Variants in MINK1 observed in about 807,000 individuals in gnomAD.
MINK1 encodes misshapen-like kinase 1.
Under a neutral mutation model 178.4 loss-of-function variants are expected in MINK1, and 46 were observed. That is an observed-to-expected ratio of 0.26 (90% CI 0.20 to 0.33). The LOEUF (loss-of-function observed/expected upper bound fraction) is 0.33. MINK1 is among the 10% of genes least tolerant of loss of function. The pLI, the probability that MINK1 is intolerant of heterozygous loss-of-function variation, is 1.00. For missense variants in MINK1, 1,366 were observed against 1,814.9 expected (o/e 0.75, Z 4.49); for synonymous variants, 797 against 709.7 (o/e 1.12, Z -1.96).
chr17:4,875,308 C>T (rs1256227406), intron 1 of MINK1, among the ~76,000 whole-genome samples: 1 of 152,150 alleles, frequency 6.6e-6, no homozygotes, highest in Non-Finnish European at 1.5e-5. Context: ...CTGTGATTTA[C>T]ACCCGTTAAA....
At chr17:4,845,339 G>T (rs1474311788) in intron 1 of MINK1, among the ~76,000 whole-genome samples, 1 of 152,118 alleles carries the variant, frequency 6.6e-6, no homozygotes, top group Admixed American at 6.5e-5. Flanking sequence ...CATGACTTGC[G>T]TTCTGGTTCT....
At position 4,895,678 on chromosome 17, in the gene MINK1, T is replaced by G. The variant is rs1228919297; in HGVS notation, c.3230-20T>G. On this transcript the variant is annotated intron_variant, in intron 26 of 31. Transcript: ENST00000355280. This position sits in a 1 kb window ranked among gnomAD's most constrained non-coding sequence, Gnocchi z 4.3. Reference sequence around the variant, plus strand: ...TCAGATGAGAATGGGGGCGGGTGTGTATGTCTGTCCGTCCCTCAGGGAAAA... The same window carrying G: ...TCAGATGAGAATGGGGGCGGGTGTGGATGTCTGTCCGTCCCTCAGGGAAAA... 1 of 1,611,594 alleles carries G rather than the reference T, an allele frequency of 6.2e-7. No individual in the cohort carries two copies. The highest frequency in any genetic ancestry group is 1.3e-5 in the African/African-American group (1 of 74,986).
At position 4,897,348 on chromosome 17, in the gene MINK1, C is replaced by A; in HGVS notation, c.*61C>A. 6.7e-7 allele frequency: 1 copy of A among 1,485,374 alleles called. No individual in the cohort carries two copies. Among genetic ancestry groups the A allele is most frequent in the Non-Finnish European group, 9.3e-7 (1 of 1,069,652 alleles). 92.0% of individuals were successfully genotyped at this position (1,485,374 alleles called of 1,614,324 possible). On this transcript the variant is annotated 3_prime_UTR_variant, in exon 32 of 32. Coordinates refer to ENST00000355280, the MANE Select transcript of MINK1 (RefSeq NM_153827.5). The stretch of plus-strand genomic sequence containing the variant: ...CAGCTCTCCCCCTGCAGCCAGGCTT[C>A]CCGGGCCGCCCCTCTTTCCCCTCCC...
chr17:4,847,230 G>GTTCT, intron 1 of MINK1: 2 of 460,906 alleles, frequency 4.3e-6, no homozygotes, highest in Admixed American at 4.6e-5. Context: ...TTTGGTTCCA[G>GTTCT]TTCATTCATT....
chr17:4,881,999 C>A (rs145343266), intron 4 of MINK1, among the ~76,000 whole-genome samples: 2 of 152,410 alleles, frequency 1.3e-5, no homozygotes, highest in East Asian at 3.9e-4. Context: ...CTTCTGTATA[C>A]TCTGTATAGA....
intron 1 of MINK1, among the ~76,000 whole-genome samples, chr17:4,877,996 G>A (rs1466241405): frequency 1.3e-5 from 2 of 151,866 alleles, no homozygotes; most frequent in Non-Finnish European, 2.9e-5. Context: ...ATTTTTAGTA[G>A]AGACGGGGTT....
intron 1 of MINK1, among the ~76,000 whole-genome samples, chr17:4,843,250 G>A (rs547693241): frequency 6.6e-6 from 1 of 152,172 alleles, no homozygotes; most frequent in Non-Finnish European, 1.5e-5. Flanking sequence ...GCTGAGGCAG[G>A]CAGATTACTT....
At chr17:4,889,479 C>T (rs1014246034) in intron 12 of MINK1, among the ~76,000 whole-genome samples, 168 bp from the exon 13 acceptor site, 2 of 152,122 alleles carry the variant, frequency 1.3e-5, no homozygotes, top group East Asian at 1.9e-4. Flanking sequence ...CGAGCCCAGC[C>T]CCGCGGGCCC....
chr17:4,892,583 T>G (rs1968965656), intron 18 of MINK1, 71 bp downstream of exon 18: 5 of 1,540,306 alleles, frequency 3.2e-6, no homozygotes, highest in East Asian at 2.3e-5. Flanking sequence ...GATGGCTCCC[T>G]CTGCAGTGCA....
chr17:4,897,386 T>G lies in MINK1; in HGVS notation c.*99T>G. 1 of 1,132,048 alleles carries G rather than the reference T, an allele frequency of 8.8e-7. No individual in the cohort carries two copies. Among genetic ancestry groups the G allele is most frequent in the East Asian group, 2.5e-5 (1 of 40,050 alleles). 70.1% of individuals were successfully genotyped at this position (1,132,048 alleles called of 1,614,324 possible). On this transcript the variant is annotated 3_prime_UTR_variant, in exon 32 of 32. Transcript: ENST00000355280. ...TCTTTCCCCTCCCTGGGCTTTTGCT[T>G]TTACTGGTTTGATTTCACTGGAGCC...
intron 1 of MINK1, among the ~76,000 whole-genome samples, chr17:4,856,019 G>A (rs1482754734): frequency 6.6e-6 from 1 of 151,614 alleles, no homozygotes; most frequent in Non-Finnish European, 1.5e-5. Flanking sequence ...ATCATGGACA[G>A]TAGGAAATTG....
At chr17:4,890,827 C>A (rs1264945195) in intron 14 of MINK1, 92 bp downstream of exon 14, 6 of 1,514,582 alleles carry the variant, frequency 4.0e-6, no homozygotes, top group African/African-American at 1.4e-5. Flanking sequence ...GTAGCAGGCA[C>A]CAAGTAGGGG....
rs1341665284 is a variant in MINK1 at position 4,887,727 on chromosome 17, C to G, written c.1167C>G (p.His389Gln). ...QQRDPEAHIK[H>Q]LLHQRQRRIE... ...GAGACCCCGAGGCACACATCAAACA[C>G]CTGCTGCACCAGCGGCAGCGGCGCA... The change falls in exon 12 of 32, where the codon CAC becomes CAG. Residue 389 changes from histidine (H) to glutamine (Q), a missense_variant. His to Gln is a conservative substitution (Grantham distance 24, BLOSUM62 0). Coordinates refer to ENST00000355280, the MANE Select transcript of MINK1 (RefSeq NM_153827.5). The surrounding 1 kb of genome is among the most constrained non-coding windows in gnomAD (Gnocchi z 7.6). 3.9e-6 allele frequency: 6 copies of G among 1,553,304 alleles called. No homozygotes were observed. Among genetic ancestry groups the G allele is most frequent in the Admixed American group, 2.0e-5 (1 of 50,178 alleles).
intron 15 of MINK1, 49 bp from the exon 16 acceptor site, chr17:4,891,407 G>C (rs1179437534): frequency 5.3e-6 from 8 of 1,513,740 alleles, no homozygotes; most frequent in Middle Eastern, 3.9e-4. Flanking sequence ...TCGCAGGTGG[G>C]GATGTGCCAT....
Position 4,894,597 on chromosome 17 carries a change from C to A in MINK1, c.2881C>A (p.Gln961Lys). The A allele has an allele frequency of 3.7e-6, 6 of 1,608,680 alleles. No homozygotes were observed. Among genetic ancestry groups the A allele is most frequent in the Non-Finnish European group, 5.1e-6 (6 of 1,177,488 alleles). Residue 961 changes from glutamine (Q) to lysine (K), a missense_variant, in exon 24 of 32, where the codon CAG becomes AAG. Physicochemically the swap from Gln to Lys is moderately conservative, Grantham distance 53. Around this residue, in one of 14 missense-constraint regions of MINK1, gnomAD observed 709 missense variants for 692.3 expected, o/e 1.02. Transcript: ENST00000355280. The surrounding 1 kb of genome is among the most constrained non-coding windows in gnomAD (Gnocchi z 4.1). ...FTMFVDLGIYQPGGSGDSIPI... is the reference protein window; with the variant it reads ...FTMFVDLGIYKPGGSGDSIPI... ...GATGTTTGTGGATCTAGGGATCTAC[C>A]AGCCTGGAGGCAGTGGGGACAGCAT...
At chr17:4,890,493 C>T (rs1191162590) in intron 13 of MINK1, 24 bp from the exon 14 acceptor site, 1 of 1,567,856 alleles carries the variant, frequency 6.4e-7, no homozygotes, top group Non-Finnish European at 8.6e-7. Context: ...CTGCTGAGCC[C>T]TCTCTCCCTA....
chr17:4,884,262 G>A, intron 4 of MINK1, 101 bp from the exon 5 acceptor site: 1 of 860,302 alleles, frequency 1.2e-6, no homozygotes, highest in African/African-American at 1.7e-5. Flanking sequence ...TAACCCCAAG[G>A]TCTCTTATCC....
intron 1 of MINK1, among the ~76,000 whole-genome samples, chr17:4,857,589 C>A (rs1266782740): frequency 1.3e-5 from 2 of 151,024 alleles, no homozygotes; most frequent in Non-Finnish European, 2.9e-5. Flanking sequence ...GCCTCAGCCT[C>A]CCGAGTAGCT....
intron 4 of MINK1, among the ~76,000 whole-genome samples, chr17:4,883,493 T>G (rs973132934): frequency 2.0e-5 from 3 of 150,908 alleles, no homozygotes; most frequent in Non-Finnish European, 4.4e-5. Context: ...CATGAGCCAC[T>G]GAGCCCGGCC....
Sources: gnomAD v4.1 joint callset for allele counts (sites outside exome capture counted in the v4.1 genomes callset) on GRCh38, gnomAD v4.1.1 for gene constraint, gnomAD v4.1.1 regional missense constraint, Gnocchi (gnomAD v3.1) non-coding constraint, MANE v1.5 for transcripts, NCBI Gene and HGNC (gene_info 2026-07-23, HGNC 2026-07-21) for gene names.